BMPER: variants seen among roughly 807,000 people sequenced by gnomAD.
BMPER encodes BMP binding endothelial regulator, also known as BMP-binding endothelial regulator protein.
Under a neutral mutation model 87.3 loss-of-function variants are expected in BMPER, and 45 were observed. The ratio of observed to expected loss-of-function variants is 0.52; its 90% CI spans 0.41 to 0.66. BMPER has a LOEUF of 0.66. Among genes scored for constraint, BMPER ranks in the 30% least tolerant of loss-of-function variants. The probability of loss-of-function intolerance (pLI) is 0.00; values close to 1 mark genes in which losing one functional copy is unlikely to be tolerated. For missense variants in BMPER, 784 were observed against 867.5 expected (o/e 0.90, Z 1.21); for synonymous variants, 326 against 316.2 (o/e 1.03, Z -0.33).
At chr7:34,062,565 A>G (rs1313959252) in intron 11 of BMPER, among the ~76,000 whole-genome samples, 2 of 150,366 alleles carry the variant, frequency 1.3e-5, no homozygotes, top group South Asian at 2.1e-4. Flanking sequence ...TTGCCATCCT[A>G]TTATAGTCAT....
At position 33,966,551 on chromosome 7, in the gene BMPER, G is replaced by A. The variant is rs747828408; in HGVS notation, c.392G>A (p.Arg131His). The A allele has an allele frequency of 5.0e-6, 8 of 1,613,478 alleles. No homozygotes were observed. The East Asian group carries it at 6.7e-5, about 13-fold the overall frequency. The change falls in exon 4 of 15, where the codon CGC (arginine) becomes CAC (histidine). Residue 131 changes from arginine (R) to histidine (H), a missense_variant. Physicochemically the swap from Arg to His is conservative, Grantham distance 29 (BLOSUM62 0). Coordinates refer to ENST00000649409, the MANE Select transcript of BMPER (RefSeq NM_001365308.1). ...AGCCCGGCTGAGCCTTGTGTTCTAC[G>A]CCAGTGCCAGGTAAAGTTCAATTAT... Reference protein sequence around the residue: ...WQSPAEPCVLRQCQEGVVTES... With the variant: ...WQSPAEPCVLHQCQEGVVTES...
intron 12 of BMPER, among the ~76,000 whole-genome samples, chr7:34,080,808 C>G (rs528233328): frequency 2.0e-5 from 3 of 152,224 alleles, no homozygotes; most frequent in Admixed American, 2.0e-4. Flanking sequence ...TGACTAACAG[C>G]CTAAGAGGTT....
chr7:34,152,703 T>C (rs981060146), intron 14 of BMPER, among the ~76,000 whole-genome samples: 3 of 152,186 alleles, frequency 2.0e-5, no homozygotes, highest in African/African-American at 4.8e-5. Context: ...TGAATATTGA[T>C]GTAGTTGCAC....
At chr7:33,959,751 A>C (rs1019175313) in intron 3 of BMPER, among the ~76,000 whole-genome samples, 2 of 152,238 alleles carry the variant, frequency 1.3e-5, no homozygotes, top group Non-Finnish European at 1.5e-5. Flanking sequence ...TTTGTGGTTC[A>C]TAGAATGTAT....
chr7:34,101,935 G>A (rs1789692111), intron 13 of BMPER, among the ~76,000 whole-genome samples: 1 of 152,210 alleles, frequency 6.6e-6, no homozygotes, highest in African/African-American at 2.4e-5. Flanking sequence ...CTATTTGGCT[G>A]CAATAGGTAC....
In BMPER at chr7:34,155,691, T is replaced by C. The variant is rs1461275059; in HGVS notation, c.*2418T>C. The C allele has an allele frequency of 6.6e-6, 1 of 152,202 alleles. No homozygotes were observed. Among genetic ancestry groups the C allele is most frequent in the Admixed American group, 6.5e-5 (1 of 15,282 alleles). The allele number at this position is 152,202 out of a possible 1,614,324, so 9.4% of individuals were successfully genotyped here. Reference sequence around the variant, plus strand: ...GCTGAATGGTTGGCCTGCATATTCTTTTTTAGGCCACAGGCTACAGCTGAG... The same window carrying C: ...GCTGAATGGTTGGCCTGCATATTCTCTTTTAGGCCACAGGCTACAGCTGAG... On this transcript the variant is annotated 3_prime_UTR_variant, in exon 15 of 15. Coordinates refer to ENST00000649409, the MANE Select transcript of BMPER (RefSeq NM_001365308.1).
chr7:33,955,862 G>A (rs956713514), intron 3 of BMPER, among the ~76,000 whole-genome samples: 1 of 152,160 alleles, frequency 6.6e-6, no homozygotes, highest in African/African-American at 2.4e-5. Context: ...ATAGACAGAA[G>A]GATGGACACA....
At chr7:34,044,860 T>C (rs759217919) in intron 6 of BMPER, among the ~76,000 whole-genome samples, 2 of 152,136 alleles carry the variant, frequency 1.3e-5, no homozygotes, top group African/African-American at 2.4e-5. Flanking sequence ...TAAACTGTTA[T>C]AATAAAAATG....
chr7:34,007,926 G>A lies in BMPER; in HGVS notation c.576+33142G>A, dbSNP rs1378059427. ...AGTGATATTCACCTCCATTGAGAGT[G>A]TATCAGGGTGCCTGATGGACCATAC... On this transcript the variant is annotated intron_variant, in intron 6 of 14. Coordinates refer to ENST00000649409, the MANE Select transcript of BMPER (RefSeq NM_001365308.1). Among the ~76,000 whole-genome samples, 4 of 152,072 alleles carry A rather than the reference G, an allele frequency of 2.6e-5. No individual in the cohort carries two copies. The East Asian group carries it at 7.8e-4, about 30-fold the overall frequency.
intron 5 of BMPER, among the ~76,000 whole-genome samples, chr7:33,971,702 T>G (rs1785551672): frequency 6.6e-6 from 1 of 152,068 alleles, no homozygotes; most frequent in Non-Finnish European, 1.5e-5. Context: ...AAATCAATCT[T>G]GATGATCAAG....
intron 6 of BMPER, among the ~76,000 whole-genome samples, chr7:33,992,102 G>T (rs1232350441): frequency 2.6e-5 from 4 of 151,964 alleles, no homozygotes; most frequent in Non-Finnish European, 5.9e-5. Flanking sequence ...TGTTGATTTG[G>T]GGTGGAGAGT....
At chr7:34,026,035 A>G (rs1787348966) in intron 6 of BMPER, among the ~76,000 whole-genome samples, 1 of 152,016 alleles carries the variant, frequency 6.6e-6, no homozygotes, top group South Asian at 2.1e-4. Flanking sequence ...TTCAGGCACA[A>G]TTCTGGACTC....
intron 6 of BMPER, among the ~76,000 whole-genome samples, chr7:33,989,377 C>CT (rs1255603839): frequency 1.4e-4 from 22 of 152,064 alleles, no homozygotes; most frequent in South Asian, 1.3e-3. Context: ...TGATGATGAG[C>CT]TTTTTTTCAT....
chr7:33,912,218 C>T (rs1293447609), intron 2 of BMPER, among the ~76,000 whole-genome samples: 1 of 152,150 alleles, frequency 6.6e-6, no homozygotes, highest in Non-Finnish European at 1.5e-5. Context: ...TGTGGGGTCA[C>T]CTTCACTTGT....
intron 13 of BMPER, among the ~76,000 whole-genome samples, chr7:34,095,161 A>G (rs1292058299): frequency 6.6e-6 from 1 of 152,226 alleles, no homozygotes; most frequent in Admixed American, 6.5e-5. Flanking sequence ...CATAAGATGA[A>G]TATACAACTC....
At chr7:34,084,366 G>A (rs1183932717) in intron 12 of BMPER, among the ~76,000 whole-genome samples, 1 of 152,196 alleles carries the variant, frequency 6.6e-6, no homozygotes, top group East Asian at 1.9e-4. Context: ...TTAAAAAGAA[G>A]CTTCCTCTGT....
chr7:34,072,200 A>G (rs1377999535), intron 11 of BMPER, among the ~76,000 whole-genome samples: 1 of 152,220 alleles, frequency 6.6e-6, no homozygotes, highest in Non-Finnish European at 1.5e-5. Context: ...AAATACAGAA[A>G]GCATCTGGCG....
At position 34,083,776 on chromosome 7, in the gene BMPER, C is replaced by T. The variant is rs574638591; in HGVS notation, c.1409-1980C>T. Among the ~76,000 whole-genome samples, 56 of 152,150 alleles carry T rather than the reference C, an allele frequency of 3.7e-4. 1 individual carries two copies. Among genetic ancestry groups the T allele is most frequent in the Admixed American group, 3.6e-3 (55 of 15,274 alleles). Reference sequence around the variant, plus strand: ...GCCTTATGCCAATTTCATATCTAGACAAGATCCTCTCTCTCTCTCTCTCCT... The same window carrying T: ...GCCTTATGCCAATTTCATATCTAGATAAGATCCTCTCTCTCTCTCTCTCCT... On this transcript the variant is annotated intron_variant, in intron 12 of 14. Transcript: ENST00000649409.
At chr7:33,999,822 C>T (rs560856906) in intron 6 of BMPER, among the ~76,000 whole-genome samples, 2 of 152,324 alleles carry the variant, frequency 1.3e-5, no homozygotes, top group African/African-American at 4.8e-5. Flanking sequence ...ACATCTTATC[C>T]TCCAGGCTTT....
Sources: gnomAD v4.1 joint callset for allele counts (sites outside exome capture counted in the v4.1 genomes callset) on GRCh38, gnomAD v4.1.1 for gene constraint, MANE v1.5 for transcripts, NCBI Gene and HGNC (gene_info 2026-07-23, HGNC 2026-07-21) for gene names.